The following GADL1 variants were observed in gnomAD, a reference collection of about 807,000 sequenced individuals.
GADL1 encodes GAD like acidic amino acid decarboxylase 1, also known as acidic amino acid decarboxylase GADL1.
GADL1 carries 71 observed loss-of-function variants against 69.5 expected under a neutral mutation model. The ratio of observed to expected loss-of-function variants is 1.02; its 90% CI spans 0.84 to 1.25. The LOEUF is 1.25. GADL1 is among the 50% of genes most tolerant of loss of function. The pLI, the probability that GADL1 is intolerant of heterozygous loss-of-function variation, is 0.00. For missense variants in GADL1, 737 were observed against 631.8 expected, an observed-to-expected ratio of 1.17 and a Z score of -1.79; for synonymous variants, 254 against 214.4, an observed-to-expected ratio of 1.18 and a Z score of -1.62.
chr3:30,868,643 A>C (rs1698438316), intron 1 of GADL1, among the ~76,000 whole-genome samples: 1 of 151,930 alleles, frequency 6.6e-6, no homozygotes, highest in South Asian at 2.1e-4. Flanking sequence ...ATAAATGATA[A>C]CTATTAATGA....
At chr3:30,793,937 CA>C (rs369848969) in intron 12 of GADL1, among the ~76,000 whole-genome samples, 37 of 152,306 alleles carry the variant, frequency 2.4e-4, no homozygotes, top group Middle Eastern at 3.4e-3. Context: ...GTATGCTCTG[CA>C]TAGATCAGCA....
At chr3:30,855,843 T>C (rs534029877) in intron 3 of GADL1, among the ~76,000 whole-genome samples, 2 of 151,660 alleles carry the variant, frequency 1.3e-5, no homozygotes, top group African/African-American at 2.4e-5. Flanking sequence ...AGTTTTTTTT[T>C]TCTCTCTTTA....
chr3:30,802,995 A>G (rs370140761), intron 11 of GADL1, among the ~76,000 whole-genome samples: 1 of 152,172 alleles, frequency 6.6e-6, no homozygotes, highest in Non-Finnish European at 1.5e-5. Flanking sequence ...GTATGCCTGA[A>G]GTGGGAAGAT....
chr3:30,818,102 C>T (rs1697505777), intron 11 of GADL1, among the ~76,000 whole-genome samples: 1 of 152,098 alleles, frequency 6.6e-6, no homozygotes, highest in Non-Finnish European at 1.5e-5. Flanking sequence ...CTTACTTCCC[C>T]TCTCATCCAT....
intron 14 of GADL1, among the ~76,000 whole-genome samples, chr3:30,770,927 T>C (rs1696405877): frequency 6.6e-6 from 1 of 152,158 alleles, no homozygotes; most frequent in South Asian, 2.1e-4. Context: ...AACACATCTA[T>C]GAAAATGTTT....
chr3:30,798,935 C>G (rs1697105060), intron 12 of GADL1: 1 of 152,280 alleles, frequency 6.6e-6, no homozygotes, highest in Non-Finnish European at 1.5e-5. Flanking sequence ...TCCTTTGACT[C>G]CATGTCTCAT....
intron 14 of GADL1, among the ~76,000 whole-genome samples, chr3:30,762,897 T>C (rs1696175876): frequency 6.6e-6 from 1 of 152,194 alleles, no homozygotes; most frequent in Non-Finnish European, 1.5e-5. Flanking sequence ...AGTTCATCCA[T>C]GTTTCAAATG....
At chr3:30,770,820 A>AG (rs1491198643) in intron 14 of GADL1, among the ~76,000 whole-genome samples, 3 of 145,120 alleles carry the variant, frequency 2.1e-5, no homozygotes, top group Non-Finnish European at 4.5e-5. Context: ...AAACAAGAGA[A>AG]GAGAGGCTGT....
chr3:30,732,049 A>G (rs923098354), intron 14 of GADL1, among the ~76,000 whole-genome samples: 1 of 152,220 alleles, frequency 6.6e-6, no homozygotes, highest in Non-Finnish European at 1.5e-5. Flanking sequence ...GGGACCAAGC[A>G]CGTTCTCACT....
chr3:30,751,278 G>C (rs1446922780), intron 14 of GADL1, among the ~76,000 whole-genome samples: 3 of 152,036 alleles, frequency 2.0e-5, no homozygotes, highest in African/African-American at 7.2e-5. Flanking sequence ...CACGTGGGGG[G>C]TGTTGCCAAT....
intron 1 of GADL1, among the ~76,000 whole-genome samples, chr3:30,867,377 ATG>A (rs1486826456): frequency 6.7e-6 from 1 of 150,294 alleles, no homozygotes; most frequent in Non-Finnish European, 1.5e-5. Context: ...TATCTTAAAT[ATG>A]CATCAATCTC....
At chr3:30,786,432 T>C in intron 12 of GADL1, 26 bp from the exon 13 acceptor site, 1 of 1,154,856 alleles carries the variant, frequency 8.7e-7, no homozygotes, top group Admixed American at 1.7e-5. Flanking sequence ...ACAATAATAT[T>C]TATAATCTGC....
At chr3:30,806,698 TGA>T (rs540326713) in intron 11 of GADL1, among the ~76,000 whole-genome samples, 37 of 152,140 alleles carry the variant, frequency 2.4e-4, no homozygotes, top group African/African-American at 8.9e-4. Context: ...CTTAGAGGTG[TGA>T]GAGATGGCTT....
Position 30,805,256 on chromosome 3 carries a change from A to G in GADL1, c.1051-4168T>C, listed in dbSNP as rs920595213. On this transcript the variant is annotated intron_variant, in intron 11 of 14. Transcript: ENST00000282538. ...CCTAAGTTCATGTAGCTACTACATG[A>G]TAGGGCTAGGTTTCAAACCAAAAAT... Among the ~76,000 whole-genome samples, 2 of 152,324 alleles carry G rather than the reference A, an allele frequency of 1.3e-5. 1 individual carries two copies.
intron 14 of GADL1, among the ~76,000 whole-genome samples, chr3:30,752,818 C>CAA (rs1475578417): frequency 9.6e-6 from 1 of 104,222 alleles, no homozygotes; most frequent in African/African-American, 7.3e-5. Flanking sequence ...TGCTGGAAGA[C>CAA]AAGAGTTTTC....
chr3:30,729,899 A>T (rs1170569871), intron 14 of GADL1, among the ~76,000 whole-genome samples: 1 of 152,224 alleles, frequency 6.6e-6, no homozygotes, highest in Non-Finnish European at 1.5e-5. Context: ...TTGCCATTCT[A>T]GCAAAAAACT....
chr3:30,782,296 C>A (rs1696683567), intron 13 of GADL1, among the ~76,000 whole-genome samples: 1 of 152,016 alleles, frequency 6.6e-6, no homozygotes, highest in African/African-American at 2.4e-5. Context: ...GGAAGTGGGA[C>A]ACAAGTTAGC....
rs527786803 is a variant in GADL1, at chr3:30,837,045, TTAAG to T, written c.903+1948_903+1951del. Reference sequence around the variant, plus strand: ...TATCAATTTCAGAGTTAAAATTTTTTTAAGTAAGTGCATCTTAGAATTAATAAAA... The same window carrying T: ...TATCAATTTCAGAGTTAAAATTTTTTTAAGTGCATCTTAGAATTAATAAAA... On this transcript the variant is annotated intron_variant, in intron 9 of 14. Transcript: ENST00000282538. 4.0e-4 allele frequency among the ~76,000 whole-genome samples: 61 copies of T among 152,240 alleles called. 1 individual carries two copies. In the South Asian group the frequency reaches 4.1e-3, roughly 10 times the overall value.
At chr3:30,729,930 CAA>C (rs2125467911) in intron 14 of GADL1, among the ~76,000 whole-genome samples, 1 of 152,016 alleles carries the variant, frequency 6.6e-6, no homozygotes, top group East Asian at 1.9e-4. Context: ...TACATTATCA[CAA>C]GATATGAAAA....
Sources: allele counts gnomAD v4.1 joint callset (sites outside exome capture counted in the v4.1 genomes callset), GRCh38; gene constraint gnomAD v4.1.1; transcripts MANE v1.5; gene names NCBI Gene and HGNC (gene_info 2026-07-23, HGNC 2026-07-21).